SLC25A31: variants seen among roughly 807,000 people sequenced by gnomAD.
The protein encoded by SLC25A31 is ADP/ATP translocase 4.
Under a neutral mutation model 36.2 loss-of-function variants are expected in SLC25A31, and 40 were observed. That is an observed-to-expected ratio of 1.10 (90% confidence interval 0.86 to 1.44). The LOEUF (loss-of-function observed/expected upper bound fraction) is 1.44. Ranked by LOEUF, SLC25A31 falls within the 40% of genes most tolerant of loss-of-function variation. The probability of loss-of-function intolerance (pLI) is 0.00; values close to 1 mark genes in which losing one functional copy is unlikely to be tolerated. For synonymous variants in SLC25A31, 143 were observed against 149.7 expected, an observed-to-expected ratio of 0.96 and a Z score of 0.32; for missense variants, 350 against 397.1, an observed-to-expected ratio of 0.88 and a Z score of 1.01.
At chr4:127,767,861 A>G (rs943612164) in intron 4 of SLC25A31, among the ~76,000 whole-genome samples, 1 of 145,334 alleles carries the variant, frequency 6.9e-6, no homozygotes, top group African/African-American at 2.9e-5. Context: ...ACTGGTAAAG[A>G]ACTTACCCAT....
In SLC25A31 at chr4:127,773,648, C is replaced by T. The variant is rs955825635; in HGVS notation, c.*74C>T. The T allele has an allele frequency of 1.4e-5, 17 of 1,205,550 alleles. No individual in the cohort carries two copies. Among genetic ancestry groups the T allele is most frequent in the Non-Finnish European group, 1.8e-5 (16 of 881,080 alleles). 74.7% of individuals were successfully genotyped at this position (1,205,550 alleles called of 1,614,324 possible). On this transcript the variant is annotated 3_prime_UTR_variant, in exon 6 of 6. Transcript: ENST00000281154. ...AAATTACATAGCTGCCATTTGCATA[C>T]ATTTTGATAGTGTTATTGTCTGTAT... is the stretch of plus-strand genomic sequence containing the variant.
intron 2 of SLC25A31, among the ~76,000 whole-genome samples, chr4:127,757,314 G>A (rs1006123679): frequency 1.3e-5 from 2 of 152,122 alleles, no homozygotes; most frequent in African/African-American, 4.8e-5. Context: ...AGTTGCCAGT[G>A]TCTATTGTTT....
At chr4:127,742,647 T>C (rs1731753262) in intron 1 of SLC25A31, among the ~76,000 whole-genome samples, 1 of 152,220 alleles carries the variant, frequency 6.6e-6, no homozygotes, top group African/African-American at 2.4e-5. Flanking sequence ...CTTGGCATTT[T>C]GGTAACACTA....
In SLC25A31 at chr4:127,741,611, A is replaced by C. The variant is rs914934461; in HGVS notation, c.233-3061A>C. Among the ~76,000 whole-genome samples the C allele has an allele frequency of 6.1e-4, 93 of 152,186 alleles. 1 individual carries two copies. Among genetic ancestry groups the C allele is most frequent in the African/African-American group, 2.2e-3 (90 of 41,502 alleles). On this transcript the variant is annotated intron_variant, in intron 1 of 5. Transcript: ENST00000281154. ...ATCCTTTTATCATTATATTGAATTCAATTTGGTAGTATTTTGCTGAGGATT... is the reference window on the plus strand; with the variant it reads ...ATCCTTTTATCATTATATTGAATTCCATTTGGTAGTATTTTGCTGAGGATT...
At chr4:127,731,695 A>G (rs970984986) in intron 1 of SLC25A31, among the ~76,000 whole-genome samples, 1 of 152,118 alleles carries the variant, frequency 6.6e-6, no homozygotes, top group Non-Finnish European at 1.5e-5. Flanking sequence ...AAAAAAACAA[A>G]CAAAACTTTA....
intron 1 of SLC25A31, among the ~76,000 whole-genome samples, chr4:127,738,933 C>T (rs757955823): frequency 5.9e-5 from 9 of 152,034 alleles, no homozygotes; most frequent in Non-Finnish European, 1.3e-4. Flanking sequence ...GACCCCTGCT[C>T]TTTTTTGTTT....
chr4:127,766,488 CTTTGT>C (rs538687692), intron 3 of SLC25A31, among the ~76,000 whole-genome samples: 2 of 151,700 alleles, frequency 1.3e-5, no homozygotes, highest in South Asian at 2.1e-4. Context: ...CTAAGTGTTT[CTTTGT>C]TTTGTTTTGT....
At chr4:127,744,099 G>A (rs139642475) in intron 1 of SLC25A31, among the ~76,000 whole-genome samples, 11 of 152,272 alleles carry the variant, frequency 7.2e-5, no homozygotes, top group South Asian at 2.1e-4. Flanking sequence ...GATTACTGGC[G>A]TCAAAGATTT....
chr4:127,747,628 C>T (rs763326332), intron 2 of SLC25A31, among the ~76,000 whole-genome samples: 7 of 152,086 alleles, frequency 4.6e-5, no homozygotes, highest in Admixed American at 2.0e-4. Context: ...ATACCTATCT[C>T]GTAGTTTTAT....
intron 2 of SLC25A31, among the ~76,000 whole-genome samples, chr4:127,760,951 C>A (rs565272070): frequency 9.7e-4 from 147 of 152,280 alleles, no homozygotes; most frequent in Non-Finnish European, 1.7e-3. Flanking sequence ...GGGGGGAAAA[C>A]ACCAATATAG....
chr4:127,730,454 C>G lies in SLC25A31; in HGVS notation c.-92C>G. On this transcript the variant is annotated 5_prime_UTR_variant, in exon 1 of 6. Coordinates refer to ENST00000281154, the MANE Select transcript of SLC25A31 (RefSeq NM_031291.4). ...GAGCCACTTTCTCGCCAGTACGATG[C>G]TGCAGCGGTTTTCCGGTTTTCCGCT... 2 of 1,333,384 alleles carry G rather than the reference C, an allele frequency of 1.5e-6. No individual in the cohort carries two copies. The highest frequency in any genetic ancestry group is 2.1e-6 in the Non-Finnish European group (2 of 954,190). 82.6% of individuals were successfully genotyped at this position (1,333,384 alleles called of 1,614,324 possible).
chr4:127,750,447 CAAA>C (rs1731908379), intron 2 of SLC25A31, among the ~76,000 whole-genome samples: 1 of 152,056 alleles, frequency 6.6e-6, no homozygotes, highest in East Asian at 1.9e-4. Context: ...ATGGTAAAGT[CAAA>C]AATTGTAATT....
intron 5 of SLC25A31, among the ~76,000 whole-genome samples, chr4:127,770,949 C>CTTTTT (rs558206857): frequency 2.2e-4 from 18 of 80,824 alleles, no homozygotes; most frequent in African/African-American, 4.0e-4. Context: ...TCTTCTTCTT[C>CTTTTT]TTTTTTTTTT....
At chr4:127,748,251 C>CT (rs1731860070) in intron 2 of SLC25A31, among the ~76,000 whole-genome samples, 1 of 152,196 alleles carries the variant, frequency 6.6e-6, no homozygotes, top group South Asian at 2.1e-4. Flanking sequence ...CCTTATAGAT[C>CT]TTGAAACAGT....
intron 2 of SLC25A31, among the ~76,000 whole-genome samples, chr4:127,756,344 T>G (rs1732030717): frequency 6.6e-6 from 1 of 152,230 alleles, no homozygotes; most frequent in Non-Finnish European, 1.5e-5. Flanking sequence ...ATACTGCTAC[T>G]GACTTTGTAC....
At chr4:127,763,628 A>T (rs1732183993) in intron 2 of SLC25A31, among the ~76,000 whole-genome samples, 1 of 152,230 alleles carries the variant, frequency 6.6e-6, no homozygotes, top group South Asian at 2.1e-4. Context: ...GGCCTAACTT[A>T]AATGCCATAC....
chr4:127,760,778 G>A (rs148852382), intron 2 of SLC25A31, among the ~76,000 whole-genome samples: 4,612 of 152,102 alleles, frequency 0.03, 297 homozygotes, highest in East Asian at 0.26. Flanking sequence ...GGTGGCTCAC[G>A]CCTGTAATCC....
intron 5 of SLC25A31, among the ~76,000 whole-genome samples, chr4:127,770,828 C>G (rs1211572494): frequency 6.6e-6 from 1 of 151,902 alleles, no homozygotes; most frequent in Non-Finnish European, 1.5e-5. Context: ...GTTCTGAAGG[C>G]TACAAGTCTG....
chr4:127,752,304 C>G (rs981485800), intron 2 of SLC25A31, among the ~76,000 whole-genome samples: 1 of 151,322 alleles, frequency 6.6e-6, no homozygotes, highest in Admixed American at 6.6e-5. Context: ...TCATTCTCAG[C>G]AAACTATTGC....
Sources: allele counts gnomAD v4.1 joint callset (sites outside exome capture counted in the v4.1 genomes callset), GRCh38; gene constraint gnomAD v4.1.1; transcripts MANE v1.5; gene names NCBI Gene and HGNC (gene_info 2026-07-23, HGNC 2026-07-21).